The following ISCA2 variants were observed in gnomAD, a reference collection of about 807,000 sequenced individuals.
ISCA2 encodes the protein iron-sulfur cluster assembly 2, also known as iron-sulfur cluster assembly 2 homolog, mitochondrial.
A neutral mutation model predicts 19.1 loss-of-function variants in ISCA2; 21 were observed. The ratio of observed to expected loss-of-function variants is 1.10; its 90% CI spans 0.78 to 1.59. The LOEUF (loss-of-function observed/expected upper bound fraction) is 1.59. ISCA2 is among the 40% of genes most tolerant of loss of function. ISCA2 has a pLI of 0.00. For missense variants in ISCA2, 181 were observed against 191.7 expected, an observed-to-expected ratio of 0.94 and a Z score of 0.33; for synonymous variants, 107 against 83.8, an observed-to-expected ratio of 1.28 and a Z score of -1.51.
chr14:74,494,177 G>A (rs982107735), intron 2 of ISCA2, 25 bp downstream of exon 2: 13 of 1,586,744 alleles, frequency 8.2e-6, no homozygotes, highest in Non-Finnish European at 1.0e-5. Context: ...GCGGAGCGGC[G>A]GTACCCAGGC....
chr14:74,494,205 G>A (rs779439085), intron 2 of ISCA2, 53 bp downstream of exon 2: 18 of 1,570,116 alleles, frequency 1.1e-5, no homozygotes, highest in Non-Finnish European at 1.6e-5. Flanking sequence ...GGGAGCAGCG[G>A]GAACTGCTCT....
Position 74,493,998 on chromosome 14 carries a change from G to A in ISCA2, c.72-52G>A, listed in dbSNP as rs1336119814. On this transcript the variant is annotated intron_variant, in intron 1 of 3. Coordinates refer to ENST00000556816, the MANE Select transcript of ISCA2 (RefSeq NM_194279.4). This position sits in a 1 kb window ranked among gnomAD's most constrained non-coding sequence, Gnocchi z 4.1. ...TAGCGTGAGGCGCTCCAGGTCGAGG[G>A]TTGCAAGGTGCCCCTTCTGCTCCCG... The A allele has an allele frequency of 1.3e-6, 2 of 1,503,356 alleles. No homozygotes were observed. Among genetic ancestry groups the A allele is most frequent in the Non-Finnish European group, 1.8e-6 (2 of 1,113,172 alleles). 93.1% of individuals were successfully genotyped at this position (1,503,356 alleles called of 1,614,324 possible).
Position 74,494,963 on chromosome 14 carries a change from G to A in ISCA2, c.428G>A (p.Gly143Asp), listed in dbSNP as rs760591235. 6.2e-6 allele frequency: 10 copies of A among 1,613,448 alleles called. No individual in the cohort carries two copies. The highest frequency in any genetic ancestry group is 8.5e-6 in the Non-Finnish European group (10 of 1,180,016). The change falls in exon 4 of 4, where the codon GGC becomes GAC. Residue 143 changes from glycine (G) to aspartate (D), a missense_variant. Physicochemically the swap from Gly to Asp is moderately conservative, Grantham distance 94. Transcript: ENST00000556816. ...QVLNNPQAQQ[G>D]CSCGSSFSIK... Reference sequence around the variant, plus strand: ...TTGAACAATCCTCAAGCACAGCAAGGCTGCTCCTGTGGGTCATCTTTCTCT... The same window carrying A: ...TTGAACAATCCTCAAGCACAGCAAGACTGCTCCTGTGGGTCATCTTTCTCT...
rs1254088730 is a variant in ISCA2, at chr14:74,495,698, A to G, written c.*698A>G. ...CATTTTAAGATTCTGTGACAATTTAATGACTGAATCTTTTTAGGATATGTT... is the reference window on the plus strand; with the variant it reads ...CATTTTAAGATTCTGTGACAATTTAGTGACTGAATCTTTTTAGGATATGTT... On this transcript the variant is annotated 3_prime_UTR_variant, in exon 4 of 4. Coordinates refer to ENST00000556816, the MANE Select transcript of ISCA2 (RefSeq NM_194279.4). The G allele has an allele frequency of 1.3e-5, 2 of 152,200 alleles. No individual in the cohort carries two copies. Among genetic ancestry groups the G allele is most frequent in the Non-Finnish European group, 2.9e-5 (2 of 68,030 alleles). The allele number at this position is 152,200 out of a possible 1,614,324, so 9.4% of individuals were successfully genotyped here. A position where few individuals can be genotyped will look rare whatever the true frequency, so the allele number is the denominator to read the frequency against.
chr14:74,495,546 A>G lies in ISCA2; in HGVS notation c.*546A>G, dbSNP rs958027259. ...CCACTTCCTGTTTGATAGGACAGAT[A>G]CATTTTACTCTCATGCTCGTGGATC... On this transcript the variant is annotated 3_prime_UTR_variant, in exon 4 of 4. Coordinates refer to ENST00000556816, the MANE Select transcript of ISCA2 (RefSeq NM_194279.4). The G allele has an allele frequency of 6.6e-5, 10 of 152,252 alleles. No homozygotes were observed. The highest frequency in any genetic ancestry group is 2.4e-4 in the African/African-American group (10 of 41,444). 9.4% of individuals were successfully genotyped at this position (152,252 alleles called of 1,614,324 possible).
chr14:74,493,807 C>T lies in ISCA2; in HGVS notation c.33C>T (p.Ala11=), dbSNP rs760280171. The part of the protein sequence containing the change: MAAAWGSSLT[A]ATQRAVTPWP... ...CCGCCTGGGGGTCGTCCCTAACGGC[C>T]GCGACGCAGAGAGCGGTCACTCCCT... Residue 11 remains alanine (A), a synonymous_variant, in exon 1 of 4, where the codon GCC becomes GCT. Transcript: ENST00000556816. This position sits in a 1 kb window ranked among gnomAD's most constrained non-coding sequence, Gnocchi z 4.1. 1.9e-6 allele frequency: 3 copies of T among 1,540,564 alleles called. No individual in the cohort carries two copies. Among genetic ancestry groups the T allele is most frequent in the Non-Finnish European group, 2.6e-6 (3 of 1,146,978 alleles).
In ISCA2 at chr14:74,495,265, G is replaced by GAAAA. The variant is rs2086836029; in HGVS notation, c.*265_*266insAAAA. On this transcript the variant is annotated 3_prime_UTR_variant, in exon 4 of 4. Coordinates refer to ENST00000556816, the MANE Select transcript of ISCA2 (RefSeq NM_194279.4). ...CACTGGTTGAAACTCCGTATAATCT[G>GAAAA]TAGAGCCTCCATGGCTCTAAAATTT... 6 of 367,316 alleles carry GAAAA rather than the reference G, an allele frequency of 1.6e-5. No homozygotes were observed. The Admixed American group carries it at 2.6e-4, about 16-fold the overall frequency. The allele number at this position is 367,316 out of a possible 1,614,324, so 22.8% of individuals were successfully genotyped here.
rs780853372 is a variant in ISCA2, at chr14:74,493,794, C to A, written c.20C>A (p.Ser7Ter). 6.5e-7 allele frequency: 1 copy of A among 1,533,498 alleles called. No homozygotes were observed. The highest frequency in any genetic ancestry group is 8.7e-7 in the Non-Finnish European group (1 of 1,142,954). The allele number at this position is 1,533,498 out of a possible 1,614,324, so 95.0% of individuals were successfully genotyped here. The stretch of plus-strand genomic sequence containing the variant: ...AGGAAGATGGCTGCCGCCTGGGGGT[C>A]GTCCCTAACGGCCGCGACGCAGAGA... MAAAWG[S>*]SLTAATQRAV... is the part of the protein sequence containing the mutation. The change falls in exon 1 of 4, where the codon TCG becomes TAG. Residue 7 changes from serine (S) to a stop codon, truncating the protein, a stop_gained. Transcript: ENST00000556816. LOFTEE classifies it high-confidence loss of function. The surrounding 1 kb of genome is among the most constrained non-coding windows in gnomAD (Gnocchi z 4.1).
chr14:74,494,424 A>G (rs757111047), intron 3 of ISCA2, 34 bp downstream of exon 3: 1 of 1,457,618 alleles, frequency 6.9e-7, no homozygotes. Flanking sequence ...CAAAGGAGGT[A>G]CAGGAGGGAC....
At position 74,494,117 on chromosome 14, in the gene ISCA2, G is replaced by T. The variant is rs747996482; in HGVS notation, c.139G>T (p.Glu47Ter). The T allele has an allele frequency of 5.1e-6, 8 of 1,580,414 alleles. No homozygotes were observed. In the African/African-American group the frequency reaches 9.4e-5, roughly 19 times the overall value. ...EASSSSPEAG[E>*]GQIRLTDSCV... is the part of the protein sequence containing the mutation. ...GTCGTCCTCCAGCCCCGAGGCCGGC[G>T]AAGGGCAGATCCGCCTCACAGACAG... Residue 47 changes from glutamate (E) to a stop codon, truncating the protein, a stop_gained, in exon 2 of 4, where the codon GAA becomes TAA. Transcript: ENST00000556816. LOFTEE classifies it high-confidence loss of function.
intron 1 of ISCA2, 28 bp from the exon 2 acceptor site, chr14:74,494,022 C>T (rs1285738627): frequency 3.3e-6 from 5 of 1,522,484 alleles, no homozygotes; most frequent in Admixed American, 2.0e-5. Context: ...CTTCTGCTCC[C>T]GGGCTCACCC....
Position 74,497,058 on chromosome 14 carries a change from C to G in ISCA2, c.*2058C>G, listed in dbSNP as rs1157985887. On this transcript the variant is annotated 3_prime_UTR_variant, in exon 4 of 4. Transcript: ENST00000556816. ...CCCAGGAGGTGGAGATTGCAGTGAGCCAAGATTGCACCACTGGACTCCAGC... is the reference window on the plus strand; with the variant it reads ...CCCAGGAGGTGGAGATTGCAGTGAGGCAAGATTGCACCACTGGACTCCAGC... The G allele has an allele frequency of 7.0e-6, 1 of 143,840 alleles. No homozygotes were observed. Among genetic ancestry groups the G allele is most frequent in the East Asian group, 2.1e-4 (1 of 4,814 alleles). The allele number at this position is 143,840 out of a possible 1,614,324, so 8.9% of individuals were successfully genotyped here.
chr14:74,494,712 T>C (rs2086826581), intron 3 of ISCA2, 114 bp from the exon 4 acceptor site: 2 of 863,290 alleles, frequency 2.3e-6, no homozygotes, highest in African/African-American at 1.7e-5. Flanking sequence ...CTGTTAAAGG[T>C]AATGGGGAAG....
chr14:74,494,141 A>T lies in ISCA2; in HGVS notation c.163A>T (p.Ser55Cys). 1 of 1,588,546 alleles carries T rather than the reference A, an allele frequency of 6.3e-7. No individual in the cohort carries two copies. The highest frequency in any genetic ancestry group is 8.6e-7 in the Non-Finnish European group (1 of 1,167,832). The change falls in exon 2 of 4, where the codon AGT (serine) becomes TGT (cysteine). Residue 55 changes from serine (S) to cysteine (C), a missense_variant. Transcript: ENST00000556816. ...CGAAGGGCAGATCCGCCTCACAGAC[A>T]GTTGCGTCCAGGTAGGAGGCCGGAC... ...AGEGQIRLTDSCVQRLLEITE... is the reference protein window; with the variant it reads ...AGEGQIRLTDCCVQRLLEITE...
At chr14:74,494,475 TA>T in intron 3 of ISCA2, 85 bp downstream of exon 3, 1 of 987,540 alleles carries the variant, frequency 1.0e-6, no homozygotes, top group Non-Finnish European at 1.6e-6. Flanking sequence ...ATTCCAAATT[TA>T]AAGGGTTTAC....
chr14:74,494,231 A>G (rs747224605), intron 2 of ISCA2, 44 bp from the exon 3 acceptor site: 1 of 1,599,202 alleles, frequency 6.3e-7, no homozygotes, highest in African/African-American at 1.3e-5. Context: ...CAGCCCTTTA[A>G]CTCCCGTTTC....
rs2139677703 is a variant in ISCA2 at position 74,493,901 on chromosome 14, A to G, written c.71+56A>G. The G allele has an allele frequency of 6.6e-7, 1 of 1,520,514 alleles. No homozygotes were observed. Among genetic ancestry groups the G allele is most frequent in the East Asian group, 2.4e-5 (1 of 40,962 alleles). The allele number at this position is 1,520,514 out of a possible 1,614,324, so 94.2% of individuals were successfully genotyped here. Reference sequence around the variant, plus strand: ...GTGTTTGGTTCTGCGCCTCTAGGACAAATGGGAAACTAAGGCCTGTGGGGG... The same window carrying G: ...GTGTTTGGTTCTGCGCCTCTAGGACGAATGGGAAACTAAGGCCTGTGGGGG... On this transcript the variant is annotated intron_variant, in intron 1 of 3. Coordinates refer to ENST00000556816, the MANE Select transcript of ISCA2 (RefSeq NM_194279.4). The surrounding 1 kb of genome is among the most constrained non-coding windows in gnomAD (Gnocchi z 4.1).
chr14:74,495,035 T>C lies in ISCA2; in HGVS notation c.*35T>C. 6.7e-7 allele frequency: 1 copy of C among 1,497,662 alleles called. No homozygotes were observed. 92.8% of individuals were successfully genotyped at this position (1,497,662 alleles called of 1,614,324 possible). The stretch of plus-strand genomic sequence containing the variant: ...TGGTGACTCTGGGATTGTCACCAGT[T>C]GTACCAATTTGAAGAACCTGGAATT... On this transcript the variant is annotated 3_prime_UTR_variant, in exon 4 of 4. Coordinates refer to ENST00000556816, the MANE Select transcript of ISCA2 (RefSeq NM_194279.4).
At position 74,494,821 on chromosome 14, in the gene ISCA2, T is replaced by G. The variant is rs772510402; in HGVS notation, c.291-5T>G. The G allele has an allele frequency of 6.2e-7, 1 of 1,613,728 alleles. No individual in the cohort carries two copies. Among genetic ancestry groups the G allele is most frequent in the Non-Finnish European group, 8.5e-7 (1 of 1,179,786 alleles). On this transcript the variant is annotated splice_polypyrimidine_tract_variant and splice_region_variant and intron_variant, in intron 3 of 3. Coordinates refer to ENST00000556816, the MANE Select transcript of ISCA2 (RefSeq NM_194279.4). The stretch of plus-strand genomic sequence containing the variant: ...CTCCTTAATGCCTTCCTCCTGTCTT[T>G]TCAGGGTATTTGAACAGGGTGGGGC...
Sources: allele counts gnomAD v4.1 joint callset, GRCh38; gene constraint gnomAD v4.1.1; non-coding constraint Gnocchi (gnomAD v3.1); transcripts MANE v1.5; gene names NCBI Gene and HGNC (gene_info 2026-07-23, HGNC 2026-07-21).